ATOSA: variants seen among roughly 807,000 people sequenced by gnomAD.
ATOSA encodes the protein atos homolog protein A.
the ATOSA span, among the ~76,000 whole-genome samples, chr15:52,606,557 C>A: frequency 6.6e-6 from 1 of 152,140 alleles, no homozygotes; most frequent in African/African-American, 2.4e-5. Flanking sequence ...AAGGGGCACA[C>A]AGTAAATTGT....
chr15:52,595,959 A>T, the ATOSA span, among the ~76,000 whole-genome samples: 14 of 152,122 alleles, frequency 9.2e-5, no homozygotes, highest in African/African-American at 1.7e-4. Context: ...AAAATTTTTT[A>T]AAAAATTAGC....
the ATOSA span, among the ~76,000 whole-genome samples, chr15:52,585,680 A>T: frequency 6.6e-6 from 1 of 152,204 alleles, no homozygotes; most frequent in Non-Finnish European, 1.5e-5. Flanking sequence ...GTAAAGACTG[A>T]ATTAAATTCA....
the ATOSA span, among the ~76,000 whole-genome samples, chr15:52,638,478 G>C: frequency 2.0e-5 from 3 of 151,994 alleles, no homozygotes; most frequent in East Asian, 5.8e-4. Context: ...GCAGATACCT[G>C]AGGTCAAGAA....
chr15:52,674,188 T>A, the ATOSA span, among the ~76,000 whole-genome samples: 1 of 147,518 alleles, frequency 6.8e-6, no homozygotes, highest in Non-Finnish European at 1.5e-5. Flanking sequence ...CTAATATGTT[T>A]TTAATTACCT....
the ATOSA span, chr15:52,586,265 T>TAC: frequency 6.6e-6 from 1 of 152,110 alleles, no homozygotes; most frequent in Non-Finnish European, 1.5e-5. Context: ...TATATATATA[T>TAC]ACACACACGT....
the ATOSA span, among the ~76,000 whole-genome samples, chr15:52,680,550 A>C: frequency 6.6e-6 from 1 of 152,270 alleles, no homozygotes; most frequent in East Asian, 1.9e-4. Flanking sequence ...TTTTGGCCTC[A>C]GGTAAAGTTC....
At chr15:52,638,633 G>T in the ATOSA span, among the ~76,000 whole-genome samples, 1 of 151,218 alleles carries the variant, frequency 6.6e-6, no homozygotes, top group African/African-American at 2.4e-5. Flanking sequence ...CCCGGGAGGC[G>T]GAGGTTGCAG....
the ATOSA span, among the ~76,000 whole-genome samples, chr15:52,691,962 T>C: frequency 6.6e-6 from 1 of 151,952 alleles, no homozygotes; most frequent in Non-Finnish European, 1.5e-5. Context: ...AAAGAACAGA[T>C]CATGCCTTTT....
chr15:52,651,185 T>C, the ATOSA span, among the ~76,000 whole-genome samples: 2 of 152,212 alleles, frequency 1.3e-5, no homozygotes, highest in South Asian at 4.1e-4. Context: ...TAACCTTGTA[T>C]GTTGTCTTCA....
the ATOSA span, among the ~76,000 whole-genome samples, chr15:52,634,543 T>TC: frequency 6.6e-6 from 1 of 151,764 alleles, no homozygotes; most frequent in Non-Finnish European, 1.5e-5. Flanking sequence ...AGATTAGATT[T>TC]TTTTTTTTTA....
the ATOSA span, among the ~76,000 whole-genome samples, chr15:52,684,797 T>C: frequency 6.6e-6 from 1 of 152,172 alleles, no homozygotes; most frequent in African/African-American, 2.4e-5. Flanking sequence ...AGTACAGTGG[T>C]GTGATCCTAA....
At chr15:52,688,741 C>T in the ATOSA span, among the ~76,000 whole-genome samples, 1 of 151,974 alleles carries the variant, frequency 6.6e-6, no homozygotes, top group African/African-American at 2.4e-5. Flanking sequence ...GGTGGCTGCT[C>T]CATGGGAGTA....
At chr15:52,695,670 A>G in the ATOSA span, among the ~76,000 whole-genome samples, 1 of 152,212 alleles carries the variant, frequency 6.6e-6, no homozygotes, top group Non-Finnish European at 1.5e-5. Context: ...AATAAATGGT[A>G]TGAGATATAA....
the ATOSA span, chr15:52,608,556 G>C: frequency 6.5e-7 from 1 of 1,542,156 alleles, no homozygotes; most frequent in Non-Finnish European, 8.7e-7. Flanking sequence ...TGACATATTA[G>C]ATGTTACTTA....
the ATOSA span, chr15:52,629,560 T>C: frequency 6.0e-6 from 2 of 334,156 alleles, no homozygotes; most frequent in Non-Finnish European, 6.0e-6. Context: ...TCCCAGCACT[T>C]TGGCAGGCTG....
the ATOSA span, among the ~76,000 whole-genome samples, chr15:52,591,915 G>T: frequency 2.0e-5 from 3 of 152,140 alleles, no homozygotes; most frequent in African/African-American, 7.2e-5. Context: ...ACCCACAGAT[G>T]TGAACGTTGT....
the ATOSA span, among the ~76,000 whole-genome samples, chr15:52,618,189 C>A: frequency 1.1e-4 from 17 of 152,258 alleles, no homozygotes; most frequent in African/African-American, 4.1e-4. Flanking sequence ...CAGGCACCTA[C>A]CACCACGTCT....
the ATOSA span, among the ~76,000 whole-genome samples, chr15:52,633,039 G>C: frequency 6.6e-6 from 1 of 152,172 alleles, no homozygotes; most frequent in African/African-American, 2.4e-5. Flanking sequence ...ATCAGAGCAA[G>C]TACAGGCATG....
the ATOSA span, chr15:52,599,989 T>TAAAAA: frequency 2.1e-6 from 1 of 484,958 alleles, no homozygotes; most frequent in Non-Finnish European, 3.6e-6. Context: ...GAAAATAAAA[T>TAAAAA]AAAAAGGTAA....
Sources: gnomAD v4.1 joint callset for allele counts (sites outside exome capture counted in the v4.1 genomes callset) on GRCh38, gnomAD v4.1.1 for gene constraint, MANE v1.5 for transcripts, NCBI Gene and HGNC (gene_info 2026-07-23, HGNC 2026-07-21) for gene names.